LRRTM4: variants seen among roughly 807,000 people sequenced by gnomAD.
LRRTM4 encodes the protein leucine rich repeat transmembrane neuronal 4.
Under a neutral mutation model 47.6 loss-of-function variants are expected in LRRTM4, and 25 were observed. The observed-to-expected ratio is 0.53, with a 90% CI of 0.38 to 0.73. LRRTM4 has a LOEUF of 0.73. Among genes scored for constraint, LRRTM4 ranks in the 30% least tolerant of loss-of-function variants. The probability of loss-of-function intolerance (pLI) is 0.00; values close to 1 mark genes in which losing one functional copy is unlikely to be tolerated. For missense variants in LRRTM4, 638 were observed against 713.4 expected (o/e 0.89, Z 1.20); for synonymous variants, 311 against 269.5 (o/e 1.15, Z -1.51).
chr2:77,275,569 A>G (rs1676322180), intron 3 of LRRTM4, among the ~76,000 whole-genome samples: 2 of 152,170 alleles, frequency 1.3e-5, no homozygotes, highest in Admixed American at 6.6e-5. Context: ...ACATAATTAT[A>G]TAAATAGACC....
rs527687111 is a variant in LRRTM4 at position 77,509,426 on chromosome 2, G to A, written c.1551+8892C>T. ...GTGAATAAAATGTTCGGTCAAGGGA[G>A]TATTTTACAAATCCTGGGGTATTAT... On this transcript the variant is annotated intron_variant, in intron 3 of 3. Coordinates refer to ENST00000409884, the MANE Select transcript of LRRTM4 (RefSeq NM_001134745.3). 2.6e-5 allele frequency among the ~76,000 whole-genome samples: 4 copies of A among 152,148 alleles called. No homozygotes were observed. In the South Asian group the frequency reaches 6.2e-4, roughly 24 times the overall value.
chr2:77,189,063 A>C (rs1358050089), intron 3 of LRRTM4, among the ~76,000 whole-genome samples: 1 of 152,160 alleles, frequency 6.6e-6, no homozygotes. Flanking sequence ...ATTAATTTTT[A>C]TAATTTTCCA....
At chr2:77,169,246 A>T (rs1672975484) in intron 3 of LRRTM4, among the ~76,000 whole-genome samples, 1 of 152,194 alleles carries the variant, frequency 6.6e-6, no homozygotes, top group African/African-American at 2.4e-5. Flanking sequence ...AGGGAAATAA[A>T]TGAAAGGCAT....
chr2:76,902,291 T>C (rs78436014), intron 3 of LRRTM4, among the ~76,000 whole-genome samples: 2,123 of 152,260 alleles, frequency 0.014, 63 homozygotes, highest in South Asian at 0.073. Flanking sequence ...AGGTCAGAAA[T>C]CATTTGTGTT....
chr2:76,929,317 A>G (rs1262748114), intron 3 of LRRTM4, among the ~76,000 whole-genome samples: 1 of 152,170 alleles, frequency 6.6e-6, no homozygotes, highest in Non-Finnish European at 1.5e-5. Flanking sequence ...TCGAGCCTAC[A>G]GTACAACAAA....
At chr2:77,046,522 TG>T (rs1015100923) in intron 3 of LRRTM4, among the ~76,000 whole-genome samples, 37 of 152,108 alleles carry the variant, frequency 2.4e-4, no homozygotes, top group African/African-American at 8.7e-4. Context: ...TCAATGATGA[TG>T]TCCCTGGAGG....
chr2:76,877,782 T>C (rs1558708186), intron 3 of LRRTM4, among the ~76,000 whole-genome samples: 1 of 151,970 alleles, frequency 6.6e-6, no homozygotes, highest in South Asian at 2.1e-4. Context: ...TTCCAGAATA[T>C]GGAGTAAAAA....
chr2:77,072,446 C>A (rs1244605831), intron 3 of LRRTM4, among the ~76,000 whole-genome samples: 1 of 151,914 alleles, frequency 6.6e-6, no homozygotes, highest in Non-Finnish European at 1.5e-5. Context: ...TAGATGAATC[C>A]AAAGATTTAG....
At chr2:76,750,248 A>T (rs1672807047) in intron 3 of LRRTM4, among the ~76,000 whole-genome samples, 1 of 152,126 alleles carries the variant, frequency 6.6e-6, no homozygotes, top group Non-Finnish European at 1.5e-5. Context: ...CCAACATTTG[A>T]TCTCATCAAG....
chr2:76,934,675 A>C (rs1286536361), intron 3 of LRRTM4, among the ~76,000 whole-genome samples: 1 of 152,216 alleles, frequency 6.6e-6, no homozygotes, highest in East Asian at 1.9e-4. Context: ...GTGCAGAATC[A>C]GGTTTCATAA....
At chr2:77,115,553 C>G (rs1671367644) in intron 3 of LRRTM4, among the ~76,000 whole-genome samples, 1 of 152,034 alleles carries the variant, frequency 6.6e-6, no homozygotes, top group African/African-American at 2.4e-5. Context: ...TGTTCTTCTG[C>G]CTTGCCTCCA....
At position 77,167,671 on chromosome 2, in the gene LRRTM4, A is replaced by T. The variant is rs548002881; in HGVS notation, c.1551+350647T>A. ...TTTGTAGGGACATGGATGAAGCTGGAAACCGTCATTCTGAGCAAACTATCA... is the reference window on the plus strand; with the variant it reads ...TTTGTAGGGACATGGATGAAGCTGGTAACCGTCATTCTGAGCAAACTATCA... On this transcript the variant is annotated intron_variant, in intron 3 of 3. Coordinates refer to ENST00000409884, the MANE Select transcript of LRRTM4 (RefSeq NM_001134745.3). Among the ~76,000 whole-genome samples the T allele has an allele frequency of 4.6e-5, 7 of 152,282 alleles. No homozygotes were observed. The South Asian group carries it at 1.2e-3, about 27-fold the overall frequency.
At chr2:77,470,934 G>C (rs766072690) in intron 3 of LRRTM4, among the ~76,000 whole-genome samples, 1 of 152,008 alleles carries the variant, frequency 6.6e-6, no homozygotes, top group African/African-American at 2.4e-5. Flanking sequence ...TAATTTGCAG[G>C]ACTCGCTATT....
At chr2:76,794,426 A>C (rs1675148163) in intron 3 of LRRTM4, among the ~76,000 whole-genome samples, 1 of 152,280 alleles carries the variant, frequency 6.6e-6, no homozygotes, top group East Asian at 1.9e-4. Context: ...GCTTTACCAG[A>C]TATTCCAGCT....
intron 3 of LRRTM4, among the ~76,000 whole-genome samples, chr2:77,148,488 C>T (rs1254008187): frequency 2.6e-5 from 4 of 152,146 alleles, no homozygotes; most frequent in Non-Finnish European, 5.9e-5. Context: ...ACAAACCCTA[C>T]ATTAGCCAAT....
At chr2:77,041,465 T>C (rs1438391802) in intron 3 of LRRTM4, among the ~76,000 whole-genome samples, 1 of 151,488 alleles carries the variant, frequency 6.6e-6, no homozygotes, top group African/African-American at 2.4e-5. Flanking sequence ...TACAGTAGTT[T>C]TGAAATTTTA....
At chr2:76,915,477 C>A (rs1000272746) in intron 3 of LRRTM4, among the ~76,000 whole-genome samples, 10 of 152,084 alleles carry the variant, frequency 6.6e-5, no homozygotes, top group African/African-American at 9.7e-5. Flanking sequence ...TGGTTTGCCA[C>A]CAAAGCTAAG....
At chr2:77,374,669 A>AAAG (rs1386194107) in intron 3 of LRRTM4, among the ~76,000 whole-genome samples, 13 of 151,762 alleles carry the variant, frequency 8.6e-5, no homozygotes, top group Non-Finnish European at 1.5e-5. Context: ...TTTATTGGTA[A>AAAG]AAGTTTAATG....
intron 3 of LRRTM4, among the ~76,000 whole-genome samples, chr2:77,440,764 A>T (rs893144126): frequency 6.6e-6 from 1 of 152,216 alleles, no homozygotes; most frequent in Non-Finnish European, 1.5e-5. Context: ...GCCTATACAG[A>T]CATTTCCTTT....
Sources: allele counts gnomAD v4.1 joint callset (sites outside exome capture counted in the v4.1 genomes callset), GRCh38; gene constraint gnomAD v4.1.1; transcripts MANE v1.5; gene names NCBI Gene and HGNC (gene_info 2026-07-23, HGNC 2026-07-21).